The following SYNE2 variants were observed in gnomAD, a reference collection of about 807,000 sequenced individuals.
SYNE2 encodes the protein nesprin-2.
In SYNE2, 431 loss-of-function variants were observed where a neutral mutation model predicts 856.3. That is an observed-to-expected ratio of 0.50 (90% CI 0.47 to 0.55). The LOEUF (loss-of-function observed/expected upper bound fraction) is 0.55. SYNE2 is among the 20% of genes least tolerant of loss of function. The pLI, the probability that SYNE2 is intolerant of heterozygous loss-of-function variation, is 0.00. For missense variants in SYNE2, 8,129 were observed against 8,023.2 expected, an observed-to-expected ratio of 1.01 and a Z score of -0.50; for synonymous variants, 2,923 against 2,872.3, an observed-to-expected ratio of 1.02 and a Z score of -0.56.
chr14:63,777,730 T>G (rs1336118137), intron 1 of SYNE2, among the ~76,000 whole-genome samples: 1 of 152,100 alleles, frequency 6.6e-6, no homozygotes, highest in Admixed American at 6.6e-5. Context: ...GTGCAGTGGC[T>G]CAATCATAGC....
At chr14:63,936,329 AC>A (rs1467993554) in intron 2 of SYNE2, among the ~76,000 whole-genome samples, 1 of 152,150 alleles carries the variant, frequency 6.6e-6, no homozygotes, top group Non-Finnish European at 1.5e-5. Context: ...CAATAAACTT[AC>A]TGCATAAGTA....
At position 64,188,796 on chromosome 14, in the gene SYNE2, T is replaced by C. The variant is rs1004551204; in HGVS notation, c.17871+88T>C. ...TCCTAAGCCCAAACAGGGGCAATGT[T>C]ACGGGTGTTTCCAGTAGCATTTTAG... On this transcript the variant is annotated intron_variant, in intron 98 of 115. Coordinates refer to ENST00000555002, the MANE Select transcript of SYNE2 (RefSeq NM_182914.3). The C allele has an allele frequency of 6.6e-6, 9 of 1,373,340 alleles. No homozygotes were observed. The African/African-American group carries it at 1.0e-4, about 15-fold the overall frequency. The allele number at this position is 1,373,340 out of a possible 1,614,324, so 85.1% of individuals were successfully genotyped here.
chr14:63,792,674 TTTG>T (rs375468577), intron 1 of SYNE2, among the ~76,000 whole-genome samples: 58,918 of 151,198 alleles, frequency 0.39, 13,747 homozygotes, highest in South Asian at 0.55. Context: ...TGTTTGTTTG[TTTG>T]TTTTTTAGAG....
At chr14:64,011,483 T>C (rs1275566186) in intron 32 of SYNE2, among the ~76,000 whole-genome samples, 1 of 152,196 alleles carries the variant, frequency 6.6e-6, no homozygotes, top group Non-Finnish European at 1.5e-5. Context: ...CTCTCGGGCT[T>C]GTGTCCCAGT....
At chr14:64,044,910 A>G (rs1191737734) in intron 45 of SYNE2, among the ~76,000 whole-genome samples, 1 of 152,216 alleles carries the variant, frequency 6.6e-6, no homozygotes, top group Non-Finnish European at 1.5e-5. Context: ...TTTACCAGCA[A>G]CATGCAAACG....
chr14:64,150,321 A>AAAAAAAAAAAAAAAAAAAAAAAAAAG (rs766798501), intron 84 of SYNE2, among the ~76,000 whole-genome samples: 1 of 119,418 alleles, frequency 8.4e-6, no homozygotes, highest in Non-Finnish European at 1.7e-5. Context: ...AAAAAAAAAA[A>AAAAAAAAAAAAAAAAAAAAAAAAAAG]GGATCCTCCC....
chr14:64,053,334 G>C lies in SYNE2; in HGVS notation c.9421G>C (p.Val3141Leu). Residue 3141 changes from valine (V) to leucine (L), a missense_variant, in exon 48 of 116, where the codon GTA becomes CTA. By Grantham distance (32) the Val-to-Leu change is conservative. Coordinates refer to ENST00000555002, the MANE Select transcript of SYNE2 (RefSeq NM_182914.3). ...GTTATACAAAGTTCTCCAAAACATG[G>C]TATTAGAACTCTCACCAAAAGAATT... The part of the protein sequence containing the change: ...DKLYKVLQNM[V>L]LELSPKELDE... The C allele has an allele frequency of 6.2e-7, 1 of 1,612,834 alleles. No homozygotes were observed. Among genetic ancestry groups the C allele is most frequent in the Admixed American group, 1.7e-5 (1 of 59,794 alleles).
intron 14 of SYNE2, among the ~76,000 whole-genome samples, chr14:63,979,849 C>A (rs2096572421): frequency 6.6e-6 from 1 of 151,886 alleles, no homozygotes; most frequent in Non-Finnish European, 1.5e-5. Context: ...TGCAGTTAGC[C>A]AAGATTGTGG....
intron 80 of SYNE2, among the ~76,000 whole-genome samples, chr14:64,140,973 TGAAA>T (rs1288981502): frequency 6.6e-6 from 1 of 152,160 alleles, no homozygotes; most frequent in Admixed American, 6.5e-5. Context: ...TCAACATACT[TGAAA>T]GAATTTCTAC....
intron 1 of SYNE2, among the ~76,000 whole-genome samples, chr14:63,899,699 ACCAT>A (rs1470754561): frequency 3.3e-5 from 5 of 151,930 alleles, no homozygotes; most frequent in Admixed American, 3.3e-4. Flanking sequence ...ATGGGGTTTT[ACCAT>A]GTTGCCTAGG....
intron 63 of SYNE2, 86 bp from the exon 64 acceptor site, chr14:64,101,846 G>A: frequency 1.1e-6 from 1 of 930,162 alleles, no homozygotes; most frequent in East Asian, 2.5e-5. Context: ...AGTTGAGTCT[G>A]GTATAAAAGA....
At chr14:63,851,193 T>A (rs1890420917), upstream of SYNE2, among the ~76,000 whole-genome samples, 1 of 152,124 alleles carries the variant, frequency 6.6e-6, no homozygotes, top group Admixed American at 6.5e-5. Context: ...AAACCCCATC[T>A]CTACTAAAAA....
chr14:64,078,678 A>T (rs918003356), intron 55 of SYNE2, 72 bp downstream of exon 55: 63 of 1,561,056 alleles, frequency 4.0e-5, no homozygotes, highest in Middle Eastern at 1.7e-4. Context: ...ATCAGTCACC[A>T]CAGGGTGAGT....
Position 64,000,685 on chromosome 14 carries a change from A to G in SYNE2, c.3604A>G (p.Arg1202Gly), listed in dbSNP as rs756461506. 1 of 1,613,282 alleles carries G rather than the reference A, an allele frequency of 6.2e-7. No individual in the cohort carries two copies. The part of the protein sequence containing the change: ...VIKERDTLKE[R>G]ERELQMTLNT... ...TAAGGAAAGAGACACACTAAAGGAA[A>G]GAGAAAGAGAGCTTCAGATGACTCT... The change falls in exon 28 of 116, where the codon AGA becomes GGA. Residue 1202 changes from arginine to glycine, a missense_variant. This residue lies in a region of SYNE2 where 2,422 missense variants were observed against 2,357.4 expected (regional missense o/e 1.03). Coordinates refer to ENST00000555002, the MANE Select transcript of SYNE2 (RefSeq NM_182914.3).
chr14:64,095,312 T>C (rs2097667384), intron 61 of SYNE2, among the ~76,000 whole-genome samples: 2 of 152,222 alleles, frequency 1.3e-5, no homozygotes, highest in Non-Finnish European at 2.9e-5. Context: ...GTGCAAAGTA[T>C]GTATTAATTG....
chr14:64,217,784 G>A (rs1032541864), intron 108 of SYNE2, among the ~76,000 whole-genome samples: 1 of 152,050 alleles, frequency 6.6e-6, no homozygotes. Context: ...AGGCCATACA[G>A]ACAGAAGAAA....
At position 63,897,648 on chromosome 14, in the gene SYNE2, C is replaced by T. The variant is rs140943514; in HGVS notation, c.-51-11450C>T. ...ACCCAGCATGCCATTTGGGTTCATT[C>T]GCAGCCGGTGCTGTTCTGGCCTCAG... On this transcript the variant is annotated intron_variant, in intron 1 of 115. Coordinates refer to ENST00000555002, the MANE Select transcript of SYNE2 (RefSeq NM_182914.3). 4.1e-4 allele frequency among the ~76,000 whole-genome samples: 63 copies of T among 152,276 alleles called. 1 individual carries two copies. The highest frequency in any genetic ancestry group is 1.3e-3 in the African/African-American group (56 of 41,546).
chr14:63,940,230 A>G (rs1168266227), intron 2 of SYNE2, among the ~76,000 whole-genome samples: 1 of 151,692 alleles, frequency 6.6e-6, no homozygotes, highest in Non-Finnish European at 1.5e-5. Flanking sequence ...TAATTTTTGT[A>G]TTTTTTGTAA....
intron 22 of SYNE2, 122 bp downstream of exon 22, chr14:63,994,091 C>T (rs2096692261): frequency 2.1e-6 from 2 of 968,692 alleles, no homozygotes; most frequent in South Asian, 1.5e-5. Flanking sequence ...CTGGTCCCTG[C>T]AGGCTGAAGT....
Sources: allele counts gnomAD v4.1 joint callset (sites outside exome capture counted in the v4.1 genomes callset), GRCh38; gene constraint gnomAD v4.1.1; regional missense constraint gnomAD v4.1.1; transcripts MANE v1.5; gene names NCBI Gene and HGNC (gene_info 2026-07-23, HGNC 2026-07-21).